Variants in EML6 observed in about 807,000 individuals in gnomAD.
EML6 encodes the protein EMAP like 6, also known as echinoderm microtubule-associated protein-like 6.
In EML6, 154 loss-of-function variants were observed where a neutral mutation model predicts 240.1. That is an observed-to-expected ratio of 0.64 (90% CI 0.56 to 0.73). The LOEUF (loss-of-function observed/expected upper bound fraction) is 0.73, where lower values mean the gene tolerates loss of function less well. Ranked by LOEUF, EML6 falls within the 30% of genes least tolerant of loss-of-function variation. The pLI, the probability that EML6 is intolerant of heterozygous loss-of-function variation, is 0.00. For synonymous variants in EML6, 1,148 were observed against 899.0 expected, an observed-to-expected ratio of 1.28 and a Z score of -4.95; for missense variants, 2,964 against 2,474.6, an observed-to-expected ratio of 1.20 and a Z score of -4.20.
chr2:54,885,039 C>T (rs925675545), intron 17 of EML6, among the ~76,000 whole-genome samples: 2 of 152,022 alleles, frequency 1.3e-5, no homozygotes, highest in Non-Finnish European at 2.9e-5. Context: ...GTGCTGTAGT[C>T]CCAGCTGCTT....
chr2:54,859,479 A>G (rs1378230819), intron 11 of EML6, 55 bp from the exon 12 acceptor site: 3 of 1,422,744 alleles, frequency 2.1e-6, no homozygotes, highest in African/African-American at 1.4e-5. Flanking sequence ...GGTTGTTTTA[A>G]ACTAATGAAC....
At chr2:54,829,200 C>G (rs1157114151) in intron 6 of EML6, 142 bp from the exon 7 acceptor site, 5 of 652,278 alleles carry the variant, frequency 7.7e-6, no homozygotes, top group East Asian at 2.9e-5. Context: ...GCTACTTGGT[C>G]TATTGTCAGC....
At chr2:54,856,005 C>G (rs1193913904) in intron 11 of EML6, among the ~76,000 whole-genome samples, 1 of 152,136 alleles carries the variant, frequency 6.6e-6, no homozygotes, top group African/African-American at 2.4e-5. Context: ...TTATTGTTTT[C>G]CATTGTGATT....
chr2:54,829,374 A>C lies in EML6; in HGVS notation c.744A>C (p.Glu248Asp). 1 of 1,551,894 alleles carries C rather than the reference A, an allele frequency of 6.4e-7. No individual in the cohort carries two copies. The highest frequency in any genetic ancestry group is 8.7e-7 in the Non-Finnish European group (1 of 1,146,974). ...TCTTTAGCATGTATGCTTGTGAAGA[A>C]GGCTTTGCCACTGGTGGGCGAGATG... ...AGIFSMYACE[E>D]GFATGGRDGC... is the part of the protein sequence containing the mutation. The change falls in exon 7 of 42, where the codon GAA becomes GAC. Residue 248 changes from glutamate to aspartate, a missense_variant. Transcript: ENST00000356458.
At chr2:54,960,934 C>T (rs1676466034) in intron 35 of EML6, among the ~76,000 whole-genome samples, 1 of 152,034 alleles carries the variant, frequency 6.6e-6, no homozygotes, top group African/African-American at 2.4e-5. Context: ...TAAATTCCCC[C>T]AGGAGATTTG....
At chr2:54,944,449 T>C (rs978380210) in intron 28 of EML6, among the ~76,000 whole-genome samples, 7 of 152,166 alleles carry the variant, frequency 4.6e-5, no homozygotes, top group African/African-American at 1.7e-4. Flanking sequence ...ACCTGTTTTC[T>C]TCTCCATAAC....
chr2:54,887,181 G>T (rs1672194152), intron 17 of EML6, among the ~76,000 whole-genome samples: 1 of 152,128 alleles, frequency 6.6e-6, no homozygotes, highest in Non-Finnish European at 1.5e-5. Context: ...TGGGAGCATT[G>T]ACCTGATCCT....
chr2:54,964,014 A>C lies in EML6; in HGVS notation c.5186A>C (p.His1729Pro), dbSNP rs756000727. The stretch of plus-strand genomic sequence containing the variant: ...CTGTTAAACAAGGTGAGCTTGGGCC[A>C]TGCGGCCAGGTGTGCAGCCTACAGC... The part of the protein sequence containing the change: ...KKLLNKVSLG[H>P]AARCAAYSPD... The change falls in exon 37 of 42, where the codon CAT becomes CCT. Residue 1729 changes from histidine to proline, a missense_variant. By Grantham distance (77) the His-to-Pro change is moderately conservative. Transcript: ENST00000356458. 1 of 1,551,412 alleles carries C rather than the reference A, an allele frequency of 6.4e-7. No individual in the cohort carries two copies. Among genetic ancestry groups the C allele is most frequent in the Non-Finnish European group, 8.7e-7 (1 of 1,146,930 alleles).
intron 2 of EML6, among the ~76,000 whole-genome samples, chr2:54,763,049 C>A (rs1668044955): frequency 6.6e-6 from 1 of 152,172 alleles, no homozygotes; most frequent in Non-Finnish European, 1.5e-5. Context: ...CTTGGTTTCT[C>A]CCATTTATTA....
intron 2 of EML6, among the ~76,000 whole-genome samples, chr2:54,733,180 G>A (rs1309341446): frequency 6.6e-6 from 1 of 152,220 alleles, no homozygotes; most frequent in Non-Finnish European, 1.5e-5. Context: ...GGGGATGAAA[G>A]GAGCTCTCTC....
intron 20 of EML6, 117 bp from the exon 21 acceptor site, chr2:54,895,156 G>A (rs1008542100): frequency 6.0e-6 from 8 of 1,339,388 alleles, no homozygotes; most frequent in Non-Finnish European, 7.2e-6. Context: ...TCTTCCTCTG[G>A]TAGAAATGTC....
At chr2:54,805,817 T>G (rs910703517) in intron 2 of EML6, among the ~76,000 whole-genome samples, 1 of 152,178 alleles carries the variant, frequency 6.6e-6, no homozygotes, top group Non-Finnish European at 1.5e-5. Context: ...ACTTTTTGAG[T>G]TTTTTTGCAT....
intron 10 of EML6, among the ~76,000 whole-genome samples, chr2:54,850,786 C>T (rs188150804): frequency 3.3e-5 from 5 of 152,272 alleles, no homozygotes; most frequent in Admixed American, 2.6e-4. Flanking sequence ...ATGTTTGTGA[C>T]ACAATGCCTA....
At chr2:54,859,204 A>G (rs997473953) in intron 11 of EML6, among the ~76,000 whole-genome samples, 3 of 152,184 alleles carry the variant, frequency 2.0e-5, no homozygotes, top group African/African-American at 4.8e-5. Context: ...TGCCTGTCTT[A>G]TCTTTCATTT....
In EML6 at chr2:54,853,651, C is replaced by A. The variant is rs906817693; in HGVS notation, c.1453C>A (p.Pro485Thr). The A allele has an allele frequency of 2.9e-5, 45 of 1,539,516 alleles. No individual in the cohort carries two copies. In the Admixed American group the frequency reaches 6.2e-4, roughly 21 times the overall value. ...RLFYRMPSGK[P>T]LTSKEEIKGI... ...ATATTGATTATTTTCAGCTGGGAAG[C>A]CTTTAACAAGTAAAGAAGAAATTAA... The change falls in exon 11 of 42, where the codon CCT becomes ACT. Residue 485 changes from proline (P) to threonine (T), a missense_variant. Transcript: ENST00000356458.
At chr2:54,960,920 T>C (rs994675619) in intron 35 of EML6, among the ~76,000 whole-genome samples, 14 of 152,146 alleles carry the variant, frequency 9.2e-5, no homozygotes, top group African/African-American at 3.4e-4. Flanking sequence ...TATTTCCTTC[T>C]ATTTAAATTC....
chr2:54,803,734 TG>T, intron 2 of EML6, among the ~76,000 whole-genome samples: 1 of 152,216 alleles, frequency 6.6e-6, no homozygotes, highest in Non-Finnish European at 1.5e-5. Context: ...TGGCCAGTTT[TG>T]TTTTTAAGTG....
chr2:54,950,853 C>G, intron 30 of EML6, 74 bp downstream of exon 30: 3 of 1,441,674 alleles, frequency 2.1e-6, no homozygotes, highest in South Asian at 2.7e-5. Flanking sequence ...TTTAGATGCC[C>G]AAAAGCTTAA....
In EML6 at chr2:54,957,973, C is replaced by T. The variant is rs1310219398; in HGVS notation, c.4670C>T (p.Thr1557Met). The T allele has an allele frequency of 2.6e-6, 4 of 1,551,170 alleles. No homozygotes were observed. Among genetic ancestry groups the T allele is most frequent in the Admixed American group, 2.0e-5 (1 of 50,976 alleles). Residue 1557 changes from threonine to methionine, a missense_variant, in exon 33 of 42, where the codon ACG becomes ATG. Transcript: ENST00000356458. ...TCCCTGGGAGCTGCCAAAATGCAGACGATGCTCTCCGTGGCCTTCGGTGCT... is the reference window on the plus strand; with the variant it reads ...TCCCTGGGAGCTGCCAAAATGCAGATGATGCTCTCCGTGGCCTTCGGTGCT... The part of the protein sequence containing the change: ...IGSLGAAKMQ[T>M]MLSVAFGANN...
Sources: allele counts gnomAD v4.1 joint callset (sites outside exome capture counted in the v4.1 genomes callset), GRCh38; gene constraint gnomAD v4.1.1; transcripts MANE v1.5; gene names NCBI Gene and HGNC (gene_info 2026-07-23, HGNC 2026-07-21).